Variants in LRP1B observed in about 807,000 individuals in gnomAD.
LRP1B encodes the protein low-density lipoprotein receptor-related protein 1B.
A neutral mutation model predicts 556.6 loss-of-function variants in LRP1B; 217 were observed. The ratio of observed to expected loss-of-function variants is 0.39; its 90% CI spans 0.35 to 0.44. The LOEUF (loss-of-function observed/expected upper bound fraction) is 0.44, where lower values mean the gene tolerates loss of function less well. Ranked by LOEUF, LRP1B falls within the 20% of genes least tolerant of loss-of-function variation. LRP1B has a pLI of 1.00. For missense variants in LRP1B, 5,053 were observed against 5,620.8 expected (o/e 0.90, Z 3.23); for synonymous variants, 2,047 against 1,865.8 (o/e 1.10, Z -2.50).
rs1160878822 is a variant in LRP1B, at chr2:141,652,081, C to T, written c.205+158198G>A. ...GATCTGATCATAACACACAACTTCCCTCAATTTTACCAGATACAGGTCCCA... is the reference window on the plus strand; with the variant it reads ...GATCTGATCATAACACACAACTTCCTTCAATTTTACCAGATACAGGTCCCA... On this transcript the variant is annotated intron_variant, in intron 2 of 90. Coordinates refer to ENST00000389484, the MANE Select transcript of LRP1B (RefSeq NM_018557.3). Among the ~76,000 whole-genome samples, 6 of 152,120 alleles carry T rather than the reference C, an allele frequency of 3.9e-5. No individual in the cohort carries two copies. In the South Asian group the frequency reaches 6.2e-4, roughly 16 times the overall value.
At chr2:141,291,042 A>C (rs1685925238) in intron 3 of LRP1B, among the ~76,000 whole-genome samples, 1 of 152,158 alleles carries the variant, frequency 6.6e-6, no homozygotes, top group Non-Finnish European at 1.5e-5. Flanking sequence ...AGGTAAAAAA[A>C]ATTTCTTCAA....
At chr2:141,441,093 C>T (rs747183771) in intron 3 of LRP1B, among the ~76,000 whole-genome samples, 2 of 149,474 alleles carry the variant, frequency 1.3e-5, no homozygotes, top group Non-Finnish European at 3.0e-5. Context: ...TTATTTTTTT[C>T]TGGGTCGGAG....
At chr2:140,925,363 A>T (rs1694855813) in intron 20 of LRP1B, among the ~76,000 whole-genome samples, 1 of 152,112 alleles carries the variant, frequency 6.6e-6, no homozygotes, top group Non-Finnish European at 1.5e-5. Context: ...AAAAGAGACA[A>T]CTCAGATAGA....
intron 3 of LRP1B, among the ~76,000 whole-genome samples, chr2:141,385,268 A>G (rs866563954): frequency 6.6e-6 from 1 of 152,244 alleles, no homozygotes; most frequent in Middle Eastern, 3.2e-3. Flanking sequence ...AGTACAAAAG[A>G]AAACAGTAAT....
In LRP1B at chr2:140,601,448, A is replaced by G; in HGVS notation, c.6989+2T>C. On this transcript the variant is annotated splice_donor_variant, in intron 42 of 90. Transcript: ENST00000389484. LOFTEE classifies it high-confidence loss of function. Reference sequence around the variant, plus strand: ...AAGAAATAAAACTACACTGTTTCTTACTTTTGACATTCATCCAAGGCTAGC... The same window carrying G: ...AAGAAATAAAACTACACTGTTTCTTGCTTTTGACATTCATCCAAGGCTAGC... The G allele has an allele frequency of 6.2e-7, 1 of 1,604,590 alleles. No homozygotes were observed. Among genetic ancestry groups the G allele is most frequent in the Non-Finnish European group, 8.5e-7 (1 of 1,173,526 alleles).
intron 43 of LRP1B, among the ~76,000 whole-genome samples, chr2:140,564,461 C>G (rs889207428): frequency 2.0e-5 from 3 of 152,004 alleles, no homozygotes; most frequent in Non-Finnish European, 2.9e-5. Context: ...ACTTTCAGCA[C>G]ACATTTATCA....
At chr2:140,473,886 C>A (rs531472785) in intron 60 of LRP1B, among the ~76,000 whole-genome samples, 1 of 151,992 alleles carries the variant, frequency 6.6e-6, no homozygotes, top group African/African-American at 2.4e-5. Flanking sequence ...ATTATTGATT[C>A]TTTGGGGGAG....
chr2:140,312,737 C>A (rs532997193), intron 83 of LRP1B, among the ~76,000 whole-genome samples: 30 of 151,722 alleles, frequency 2.0e-4, no homozygotes, highest in Non-Finnish European at 4.0e-4. Context: ...TTTTTAGTAT[C>A]TTTTTGTATG....
intron 27 of LRP1B, among the ~76,000 whole-genome samples, chr2:140,856,454 G>C (rs899381872): frequency 6.6e-6 from 1 of 152,092 alleles, no homozygotes. Context: ...TTTTGTATTA[G>C]TATGTGTTGG....
At chr2:140,536,799 A>C in intron 45 of LRP1B, 90 bp from the exon 46 acceptor site, 1 of 919,330 alleles carries the variant, frequency 1.1e-6, no homozygotes, top group Middle Eastern at 3.4e-4. Context: ...TTTTAATTAT[A>C]AAGATAAACT....
chr2:141,390,480 ATACAAT>A (rs1341232816), intron 3 of LRP1B, among the ~76,000 whole-genome samples: 10 of 152,340 alleles, frequency 6.6e-5, no homozygotes, highest in Admixed American at 6.5e-4. Flanking sequence ...ACTCAAACAA[ATACAAT>A]TACAGTATCA....
At chr2:141,381,706 CCTT>C (rs1559040374) in intron 3 of LRP1B, among the ~76,000 whole-genome samples, 1 of 152,038 alleles carries the variant, frequency 6.6e-6, no homozygotes, top group Non-Finnish European at 1.5e-5. Context: ...TCAGCAGAAA[CCTT>C]CTTGGCCTGA....
chr2:140,341,477 T>C (rs552245929), intron 77 of LRP1B, among the ~76,000 whole-genome samples: 66 of 151,542 alleles, frequency 4.4e-4, no homozygotes, highest in African/African-American at 1.6e-3. Flanking sequence ...GGATGAGATC[T>C]CTGATGCTTC....
At chr2:141,554,558 A>G (rs1026298127) in intron 2 of LRP1B, among the ~76,000 whole-genome samples, 5 of 151,858 alleles carry the variant, frequency 3.3e-5, no homozygotes, top group Non-Finnish European at 5.9e-5. Flanking sequence ...GGAAAGACAT[A>G]CTTGGATTAA....
rs541869549 is a variant in LRP1B at position 140,845,602 on chromosome 2, TTA to T, written c.4939+4498_4939+4499del. ...CCAAAATCTACATATTCATAAATTA[TTA>T]TATGTAGGATAAAGACAAGGTGGAA... On this transcript the variant is annotated intron_variant, in intron 29 of 90. Transcript: ENST00000389484. 4.4e-4 allele frequency among the ~76,000 whole-genome samples: 67 copies of T among 152,120 alleles called. 1 individual carries two copies. The South Asian group carries it at 5.4e-3, about 12-fold the overall frequency.
intron 1 of LRP1B, among the ~76,000 whole-genome samples, chr2:141,990,905 T>C (rs1316296755): frequency 6.6e-6 from 1 of 152,074 alleles, no homozygotes; most frequent in Non-Finnish European, 1.5e-5. Context: ...TAATTGTACT[T>C]AAAGCTAAGC....
At chr2:141,055,705 G>A (rs1434476853) in intron 9 of LRP1B, among the ~76,000 whole-genome samples, 1 of 151,848 alleles carries the variant, frequency 6.6e-6, no homozygotes, top group Non-Finnish European at 1.5e-5. Flanking sequence ...TAGAGGAAAT[G>A]TGATTCAGTG....
intron 3 of LRP1B, among the ~76,000 whole-genome samples, chr2:141,323,460 T>C (rs1025995559): frequency 2.0e-5 from 3 of 152,150 alleles, no homozygotes; most frequent in African/African-American, 7.2e-5. Flanking sequence ...TCCTTAAATT[T>C]GAACCCAAAT....
intron 3 of LRP1B, among the ~76,000 whole-genome samples, chr2:141,324,028 C>CCACACACA (rs57105906): frequency 8.8e-6 from 1 of 113,042 alleles, no homozygotes; most frequent in Non-Finnish European, 1.8e-5. Context: ...AACAAGGAAA[C>CCACACACA]CACACACACA....
Sources: gnomAD v4.1 joint callset for allele counts (sites outside exome capture counted in the v4.1 genomes callset) on GRCh38, gnomAD v4.1.1 for gene constraint, MANE v1.5 for transcripts, NCBI Gene and HGNC (gene_info 2026-07-23, HGNC 2026-07-21) for gene names.